MINK1: variants seen among roughly 807,000 people sequenced by gnomAD.
MINK1 encodes the protein misshapen like kinase 1, also known as misshapen-like kinase 1.
Under a neutral mutation model 178.4 loss-of-function variants are expected in MINK1, and 46 were observed. The observed-to-expected ratio is 0.26, with a 90% CI of 0.20 to 0.33. The LOEUF is 0.33. MINK1 is among the 10% of genes least tolerant of loss of function. The probability of loss-of-function intolerance (pLI) is 1.00; values close to 1 mark genes in which losing one functional copy is unlikely to be tolerated. For missense variants in MINK1, 1,366 were observed against 1,814.9 expected (o/e 0.75, Z 4.49); for synonymous variants, 797 against 709.7 (o/e 1.12, Z -1.96).
At position 4,895,732 on chromosome 17, in the gene MINK1, C is replaced by T; in HGVS notation, c.3264C>T (p.Ser1088=). ...KRNKLRVYYL[S]WLRNKILHND... ...ACAAACTGCGGGTGTATTACCTGTC[C>T]TGGCTCCGGAACAAGATTCTGCACA... Residue 1088 remains serine (S), a synonymous_variant, in exon 27 of 32, where the codon TCC becomes TCT. Transcript: ENST00000355280. The surrounding 1 kb of genome is among the most constrained non-coding windows in gnomAD (Gnocchi z 4.3). 2 of 1,613,702 alleles carry T rather than the reference C, an allele frequency of 1.2e-6. No individual in the cohort carries two copies. Among genetic ancestry groups the T allele is most frequent in the Non-Finnish European group, 1.7e-6 (2 of 1,179,766 alleles).
chr17:4,878,202 C>T (rs1189343567), intron 1 of MINK1, 115 bp from the exon 2 acceptor site: 1 of 879,268 alleles, frequency 1.1e-6, no homozygotes, highest in Non-Finnish European at 1.8e-6. Flanking sequence ...CACGTGCCCT[C>T]CTGATATGCT....
chr17:4,892,369 C>T (rs1394491634), intron 17 of MINK1, 33 bp from the exon 18 acceptor site: 22 of 1,488,552 alleles, frequency 1.5e-5, no homozygotes, highest in Non-Finnish European at 1.8e-5. Context: ...GCCCCCCCGC[C>T]GCCCCCTCGG....
chr17:4,849,574 T>TTTTG (rs892202284), intron 1 of MINK1, among the ~76,000 whole-genome samples: 1 of 151,938 alleles, frequency 6.6e-6, no homozygotes, highest in East Asian at 1.9e-4. Context: ...TCTCAGCGTG[T>TTTTG]TTTGTTTGTT....
At chr17:4,890,300 C>T in intron 13 of MINK1, 1 of 1,410,262 alleles carries the variant, frequency 7.1e-7, no homozygotes, top group South Asian at 1.6e-5. Context: ...GGAACAGGCC[C>T]TGCTGCTGGT....
chr17:4,889,756 G>A lies in MINK1; in HGVS notation c.1340G>A (p.Arg447His). The A allele has an allele frequency of 3.9e-6, 6 of 1,538,380 alleles. No homozygotes were observed. The highest frequency in any genetic ancestry group is 2.4e-5 in the East Asian group (1 of 40,828). Residue 447 changes from arginine to histidine, a missense_variant, in exon 13 of 32, where the codon CGC becomes CAC. Physicochemically the swap from Arg to His is conservative, Grantham distance 29. Around this residue, in one of 14 missense-constraint regions of MINK1, gnomAD observed 87 missense variants for 78.9 expected, o/e 1.10. Transcript: ENST00000355280. ...GAGGAGGAGCGGCGGCAGGCGGAGCGCGAGCAGGTAGAGCGCCGCACCCGC... is the reference window on the plus strand; with the variant it reads ...GAGGAGGAGCGGCGGCAGGCGGAGCACGAGCAGGTAGAGCGCCGCACCCGC... ...RREEERRQAEREQEYKRKQLE... is the reference protein window; with the variant it reads ...RREEERRQAEHEQEYKRKQLE...
rs563219984 is a variant in MINK1 at position 4,897,155 on chromosome 17, C to T, written c.3916-49C>T. 1.3e-5 allele frequency: 19 copies of T among 1,515,664 alleles called. No individual in the cohort carries two copies. In the South Asian group the frequency reaches 1.6e-4, roughly 13 times the overall value. The allele number at this position is 1,515,664 out of a possible 1,614,324, so 93.9% of individuals were successfully genotyped here. A position where few individuals can be genotyped will look rare whatever the true frequency, so the allele number is the denominator to read the frequency against. On this transcript the variant is annotated intron_variant, in intron 31 of 31. Transcript: ENST00000355280. Reference sequence around the variant, plus strand: ...CCTTCTTTCCCTCTCCCAGTTGAGACACCCCCCCAACCTCAGCCCTTGGTG... The same window carrying T: ...CCTTCTTTCCCTCTCCCAGTTGAGATACCCCCCCAACCTCAGCCCTTGGTG...
chr17:4,879,403 G>T (rs556257559), intron 2 of MINK1, among the ~76,000 whole-genome samples: 1 of 152,374 alleles, frequency 6.6e-6, no homozygotes, highest in South Asian at 2.1e-4. Context: ...CGTGTTTCCT[G>T]TGTCGCTGAG....
At chr17:4,856,048 C>T (rs72835023) in intron 1 of MINK1, among the ~76,000 whole-genome samples, 11,262 of 152,046 alleles carry the variant, frequency 0.074, 463 homozygotes, top group Non-Finnish European at 0.094. Flanking sequence ...ATCAGCCTGC[C>T]TTCTCTCTTC....
At chr17:4,857,473 T>G (rs577339863) in intron 1 of MINK1, 56 of 144,716 alleles carry the variant, frequency 3.9e-4, no homozygotes, top group African/African-American at 1.4e-3. Flanking sequence ...TTTTTTTTTT[T>G]TTTTTTTTTT....
At position 4,845,656 on chromosome 17, in the gene MINK1, CAGAG is replaced by C. The variant is rs765135215; in HGVS notation, c.57+12019_57+12022del. 3.4e-5 allele frequency among the ~76,000 whole-genome samples: 5 copies of C among 149,072 alleles called. No individual in the cohort carries two copies. In the East Asian group the frequency reaches 9.9e-4, roughly 29 times the overall value. ...GAGTTGGATTTTTTTTTTTTTTTGA[CAGAG>C]AGTCTTGCTCTGTCACCCAGGCTGG... is the stretch of plus-strand genomic sequence containing the variant. On this transcript the variant is annotated intron_variant, in intron 1 of 31. Coordinates refer to ENST00000355280, the MANE Select transcript of MINK1 (RefSeq NM_153827.5).
In MINK1 at chr17:4,895,131, G is replaced by C; in HGVS notation, c.2974G>C (p.Gly992Arg). The C allele has an allele frequency of 6.2e-7, 1 of 1,613,924 alleles. No homozygotes were observed. Among genetic ancestry groups the C allele is most frequent in the Non-Finnish European group, 8.5e-7 (1 of 1,180,006 alleles). Residue 992 changes from glycine (G) to arginine (R), a missense_variant, in exon 25 of 32, where the codon GGT becomes CGT. By Grantham distance (125) the Gly-to-Arg change is moderately radical. Around this residue, in one of 14 missense-constraint regions of MINK1, gnomAD observed 42 missense variants for 64.0 expected, o/e 0.66. Coordinates refer to ENST00000355280, the MANE Select transcript of MINK1 (RefSeq NM_153827.5). This position sits in a 1 kb window ranked among gnomAD's most constrained non-coding sequence, Gnocchi z 4.3. ...LDQLQYDVRKGSVVNVNPTNT... is the reference protein window; with the variant it reads ...LDQLQYDVRKRSVVNVNPTNT... Reference sequence around the variant, plus strand: ...CCAGCTGCAGTACGACGTGAGGAAGGGTTCTGTGGTCAACGTGAATCCCAC... The same window carrying C: ...CCAGCTGCAGTACGACGTGAGGAAGCGTTCTGTGGTCAACGTGAATCCCAC...
Position 4,878,390 on chromosome 17 carries a change from G to A in MINK1, c.123+8G>A, listed in dbSNP as rs370743044. 88 of 1,535,860 alleles carry A rather than the reference G, an allele frequency of 5.7e-5. No individual in the cohort carries two copies. The highest frequency in any genetic ancestry group is 7.9e-5 in the Admixed American group (4 of 50,922). ...TACGGACAGGTGTACAAGGTGAGAC[G>A]AATGGTGTGGAAGTATGACCTCCAC... On this transcript the variant is annotated splice_region_variant and intron_variant, in intron 2 of 31. Transcript: ENST00000355280.
At position 4,892,711 on chromosome 17, in the gene MINK1, C is replaced by G; in HGVS notation, c.2254C>G (p.Pro752Ala). 6.2e-7 allele frequency: 1 copy of G among 1,612,110 alleles called. No individual in the cohort carries two copies. Among genetic ancestry groups the G allele is most frequent in the Non-Finnish European group, 8.5e-7 (1 of 1,179,576 alleles). Reference sequence around the variant, plus strand: ...CTGGGAACGCTCGGACAGCGTCCTTCCAGCCTCTCACGGGCACCTCCCCCA... The same window carrying G: ...CTGGGAACGCTCGGACAGCGTCCTTGCAGCCTCTCACGGGCACCTCCCCCA... The part of the protein sequence containing the change: ...PGWERSDSVL[P>A]ASHGHLPQAG... The change falls in exon 19 of 32, where the codon CCA becomes GCA. Residue 752 changes from proline (P) to alanine (A), a missense_variant. Transcript: ENST00000355280.
chr17:4,896,199 G>A lies in MINK1; in HGVS notation c.3472G>A (p.Ala1158Thr), dbSNP rs1215159795. ...YHKFMAFKSFADLPHRPLLVD... is the reference protein window; with the variant it reads ...YHKFMAFKSFTDLPHRPLLVD... ...CTCCTCCGGTTCTCTGCAGTCCTTTGCCGACCTCCCCCACCGCCCTCTGCT... is the reference window on the plus strand; with the variant it reads ...CTCCTCCGGTTCTCTGCAGTCCTTTACCGACCTCCCCCACCGCCCTCTGCT... Residue 1158 changes from alanine to threonine, a missense_variant, in exon 29 of 32, where the codon GCC (alanine) becomes ACC (threonine). Coordinates refer to ENST00000355280, the MANE Select transcript of MINK1 (RefSeq NM_153827.5). The surrounding 1 kb of genome is among the most constrained non-coding windows in gnomAD (Gnocchi z 4.6). 6.3e-6 allele frequency: 10 copies of A among 1,597,528 alleles called. No homozygotes were observed. Among genetic ancestry groups the A allele is most frequent in the Non-Finnish European group, 7.7e-6 (9 of 1,171,396 alleles).
intron 12 of MINK1, among the ~76,000 whole-genome samples, chr17:4,888,808 C>G (rs892364624): frequency 2.0e-5 from 3 of 150,602 alleles, no homozygotes; most frequent in Non-Finnish European, 3.0e-5. Flanking sequence ...AGTGATTCTC[C>G]TGCCTCAGCC....
intron 1 of MINK1, among the ~76,000 whole-genome samples, chr17:4,863,734 G>A (rs1022765607): frequency 4.6e-5 from 7 of 152,016 alleles, no homozygotes; most frequent in Non-Finnish European, 7.4e-5. Context: ...TAAAGTGCTC[G>A]GCAGTACCAG....
rs1436886153 is a variant in MINK1, at chr17:4,896,225, G to T, written c.3498G>T (p.Leu1166=). 1.2e-6 allele frequency: 2 copies of T among 1,602,234 alleles called. No homozygotes were observed. Among genetic ancestry groups the T allele is most frequent in the South Asian group, 1.1e-5 (1 of 88,944 alleles). Residue 1166 remains leucine, a synonymous_variant, in exon 29 of 32, where the codon CTG becomes CTT. Transcript: ENST00000355280. This position sits in a 1 kb window ranked among gnomAD's most constrained non-coding sequence, Gnocchi z 4.6. ...SFADLPHRPL[L]VDLTVEEGQR... The stretch of plus-strand genomic sequence containing the variant: ...CCGACCTCCCCCACCGCCCTCTGCT[G>T]GTCGACCTGACAGTAGAGGAGGGGC...
chr17:4,853,619 C>T (rs769159502), intron 1 of MINK1, among the ~76,000 whole-genome samples: 2 of 151,970 alleles, frequency 1.3e-5, no homozygotes, highest in Non-Finnish European at 1.5e-5. Context: ...CCAAGCTTCC[C>T]TGCAGGTTTA....
intron 1 of MINK1, among the ~76,000 whole-genome samples, chr17:4,867,341 A>T (rs573719899): frequency 2.0e-5 from 3 of 150,524 alleles, no homozygotes; most frequent in African/African-American, 4.9e-5. Context: ...TAGGATTTTT[A>T]AAAATGCGTT....
Sources: gnomAD v4.1 joint callset for allele counts (sites outside exome capture counted in the v4.1 genomes callset) on GRCh38, gnomAD v4.1.1 for gene constraint, gnomAD v4.1.1 regional missense constraint, Gnocchi (gnomAD v3.1) non-coding constraint, MANE v1.5 for transcripts, NCBI Gene and HGNC (gene_info 2026-07-23, HGNC 2026-07-21) for gene names.